Variants in FRY observed in about 807,000 individuals in gnomAD.
The protein encoded by FRY is protein furry homolog.
Under a neutral mutation model 348.4 loss-of-function variants are expected in FRY, and 128 were observed. The ratio of observed to expected loss-of-function variants is 0.37; its 90% CI spans 0.32 to 0.43. The LOEUF is 0.43. FRY is among the 20% of genes least tolerant of loss of function. The probability of loss-of-function intolerance (pLI) is 1.00; values close to 1 mark genes in which losing one functional copy is unlikely to be tolerated. For synonymous variants in FRY, 1,370 were observed against 1,374.7 expected (o/e 1.00, Z 0.08); for missense variants, 2,736 against 3,695.2 (o/e 0.74, Z 6.73).
intron 58 of FRY, among the ~76,000 whole-genome samples, 171 bp from the exon 59 acceptor site, chr13:32,289,462 T>C (rs1889226053): frequency 6.6e-6 from 1 of 152,242 alleles, no homozygotes; most frequent in African/African-American, 2.4e-5. Flanking sequence ...CGTGGATTTC[T>C]CACTGGTATT....
intron 2 of FRY, among the ~76,000 whole-genome samples, chr13:32,090,687 C>A (rs1462335121): frequency 6.6e-6 from 1 of 151,870 alleles, no homozygotes; most frequent in East Asian, 1.9e-4. Context: ...TTGTATCTTA[C>A]ATTTCTTAGT....
chr13:32,127,528 ATCACTTTGGGAGGCC>A (rs1381842393), intron 7 of FRY, among the ~76,000 whole-genome samples: 2 of 152,210 alleles, frequency 1.3e-5, no homozygotes, highest in African/African-American at 4.8e-5. Flanking sequence ...CTGTAATTCC[ATCACTTTGGGAGGCC>A]AAGGTGGGCG....
intron 51 of FRY, among the ~76,000 whole-genome samples, chr13:32,257,160 A>G (rs1887383378): frequency 6.6e-6 from 1 of 152,208 alleles, no homozygotes; most frequent in South Asian, 2.1e-4. Flanking sequence ...AGCATTTTGA[A>G]TAAGGCATAC....
chr13:32,188,974 G>A (rs7992065), intron 28 of FRY, among the ~76,000 whole-genome samples: 8,047 of 152,122 alleles, frequency 0.053, 369 homozygotes, highest in East Asian at 0.28. Context: ...GCTGTTAATC[G>A]TCAGTCCTCT....
intron 23 of FRY, among the ~76,000 whole-genome samples, chr13:32,181,966 C>T (rs1012685598): frequency 1.3e-5 from 2 of 152,166 alleles, no homozygotes; most frequent in Non-Finnish European, 2.9e-5. Flanking sequence ...CCCATTTCTT[C>T]GATGAAGAAA....
intron 17 of FRY, among the ~76,000 whole-genome samples, chr13:32,162,727 A>G (rs1198899790): frequency 1.3e-5 from 2 of 151,904 alleles, no homozygotes; most frequent in African/African-American, 4.8e-5. Context: ...CTGGCTGCCA[A>G]TGTCACCCAG....
At chr13:32,182,670 T>G (rs1266075158) in intron 23 of FRY, among the ~76,000 whole-genome samples, 5 of 152,222 alleles carry the variant, frequency 3.3e-5, no homozygotes, top group Admixed American at 3.3e-4. Context: ...GGTTTTGTTT[T>G]TTTGTTTGTT....
chr13:32,252,360 C>T (rs1299185944), intron 50 of FRY, among the ~76,000 whole-genome samples: 2 of 152,064 alleles, frequency 1.3e-5, no homozygotes, highest in East Asian at 3.8e-4. Context: ...CCTTATCTTA[C>T]CCACATACAA....
chr13:32,097,489 T>C (rs1263544626), intron 2 of FRY, among the ~76,000 whole-genome samples: 2 of 151,442 alleles, frequency 1.3e-5, no homozygotes, highest in Non-Finnish European at 2.9e-5. Context: ...GCCTCCCTAG[T>C]AGCTGGGATT....
chr13:32,217,155 G>A (rs1000089376), intron 35 of FRY, among the ~76,000 whole-genome samples: 4 of 152,184 alleles, frequency 2.6e-5, no homozygotes. Context: ...GATCTGTTAT[G>A]AGTTAAGTCA....
intron 8 of FRY, among the ~76,000 whole-genome samples, chr13:32,133,768 CTTT>C (rs34413710): frequency 2.2e-5 from 2 of 89,284 alleles, no homozygotes; most frequent in Admixed American, 1.4e-4. Context: ...TTCTTTCTTT[CTTT>C]TTTTTTTTTT....
At chr13:32,222,416 G>T (rs1401161854) in intron 36 of FRY, among the ~76,000 whole-genome samples, 1 of 152,110 alleles carries the variant, frequency 6.6e-6, no homozygotes, top group Non-Finnish European at 1.5e-5. Flanking sequence ...TACAAGAATT[G>T]GTCTGTCTGC....
intron 29 of FRY, among the ~76,000 whole-genome samples, chr13:32,200,073 T>A (rs539789450): frequency 5.0e-4 from 76 of 152,162 alleles, no homozygotes; most frequent in Admixed American, 9.2e-4. Context: ...TTCCTCCTCT[T>A]ATAAAGCTAC....
At chr13:32,225,274 TA>T (rs1367587055) in intron 38 of FRY, among the ~76,000 whole-genome samples, 1 of 152,232 alleles carries the variant, frequency 6.6e-6, no homozygotes. Context: ...GTGCCACATC[TA>T]CAAATATATC....
At chr13:32,232,587 C>G (rs145628260) in intron 41 of FRY, among the ~76,000 whole-genome samples, 46 of 152,298 alleles carry the variant, frequency 3.0e-4, no homozygotes, top group African/African-American at 1.1e-3. Context: ...TGTGCCACCC[C>G]CTAGGCTGAG....
rs112682245 is a variant in FRY at position 32,181,327 on chromosome 13, G to A, written c.2996+1528G>A. ...TACAAGGAGATGGACGGGTGCAGTG[G>A]CTCATGCTTGTAATCCCAGCACTTT... On this transcript the variant is annotated intron_variant, in intron 23 of 60. Transcript: ENST00000542859. 4.7e-3 allele frequency among the ~76,000 whole-genome samples: 710 copies of A among 151,976 alleles called. 8 individuals carry two copies. The highest frequency in any genetic ancestry group is 0.016 in the African/African-American group (663 of 41,476).
intron 4 of FRY, among the ~76,000 whole-genome samples, chr13:32,122,418 G>T (rs1310857349): frequency 6.6e-6 from 1 of 150,512 alleles, no homozygotes; most frequent in Admixed American, 6.6e-5. Context: ...CTCCAGCCTG[G>T]ACGACAGAGT....
At chr13:32,253,967 T>C (rs1209042743) in intron 50 of FRY, among the ~76,000 whole-genome samples, 1 of 152,068 alleles carries the variant, frequency 6.6e-6, no homozygotes, top group African/African-American at 2.4e-5. Flanking sequence ...ACACAGGTAG[T>C]ATACAGTCTT....
At chr13:32,067,018 G>A (rs463365) in intron 1 of FRY, among the ~76,000 whole-genome samples, 69,170 of 152,068 alleles carry the variant, frequency 0.45, 18,296 homozygotes, top group Non-Finnish European at 0.58. Context: ...AAGTGCTGGT[G>A]ATAAAGACAA....
Sources: gnomAD v4.1 joint callset for allele counts (sites outside exome capture counted in the v4.1 genomes callset) on GRCh38, gnomAD v4.1.1 for gene constraint, MANE v1.5 for transcripts, NCBI Gene and HGNC (gene_info 2026-07-23, HGNC 2026-07-21) for gene names.